The following TMCC1 variants were observed in gnomAD, a reference collection of about 807,000 sequenced individuals.
TMCC1 encodes transmembrane and coiled-coil domains protein 1.
Under a neutral mutation model 52.4 loss-of-function variants are expected in TMCC1, and 15 were observed. That is an observed-to-expected ratio of 0.29 (90% CI 0.19 to 0.44). The LOEUF is 0.44. Among genes scored for constraint, TMCC1 ranks in the 20% least tolerant of loss-of-function variants. The pLI, the probability that TMCC1 is intolerant of heterozygous loss-of-function variation, is 1.00. For missense variants in TMCC1, 503 were observed against 806.0 expected, an observed-to-expected ratio of 0.62 and a Z score of 4.55; for synonymous variants, 279 against 301.9, an observed-to-expected ratio of 0.92 and a Z score of 0.79.
At chr3:129,875,767 C>G (rs1204967514) in intron 2 of TMCC1, among the ~76,000 whole-genome samples, 1 of 152,152 alleles carries the variant, frequency 6.6e-6, no homozygotes, top group African/African-American at 2.4e-5. Flanking sequence ...TCTAACCACA[C>G]CCACCCACTT....
intron 4 of TMCC1, among the ~76,000 whole-genome samples, chr3:129,768,434 C>G (rs1215108688): frequency 6.6e-6 from 1 of 152,078 alleles, no homozygotes; most frequent in African/African-American, 2.4e-5. Flanking sequence ...GTGAGAAGTA[C>G]CTAGTGAGAA....
intron 4 of TMCC1, among the ~76,000 whole-genome samples, chr3:129,699,908 C>G (rs548636928): frequency 1.3e-5 from 2 of 152,220 alleles, no homozygotes; most frequent in South Asian, 2.1e-4. Context: ...AGAGTGAAAT[C>G]CTGTCCCTAA....
At position 129,649,677 on chromosome 3, in the gene TMCC1, C is replaced by T. The variant is rs1326436690; in HGVS notation, c.*1804G>A. 1.3e-5 allele frequency: 2 copies of T among 152,582 alleles called. No individual in the cohort carries two copies. Among genetic ancestry groups the T allele is most frequent in the African/African-American group, 2.4e-5 (1 of 41,444 alleles). The allele number at this position is 152,582 out of a possible 1,614,324, so 9.5% of individuals were successfully genotyped here. A position where few individuals can be genotyped will look rare whatever the true frequency, so the allele number is the denominator to read the frequency against. ...CAGGCAGGGCAATGCTAATCTAGTT[C>T]TGAAGGAATTTCCTGGTAAGTGGAA... On this transcript the variant is annotated 3_prime_UTR_variant, in exon 7 of 7. Transcript: ENST00000393238.
rs115364557 is a variant in TMCC1 at position 129,777,830 on chromosome 3, C to T, written c.576+49973G>A. Among the ~76,000 whole-genome samples the T allele has an allele frequency of 1.3e-3, 199 of 152,218 alleles. 1 individual carries two copies. Among genetic ancestry groups the T allele is most frequent in the African/African-American group, 4.5e-3 (187 of 41,524 alleles). On this transcript the variant is annotated intron_variant, in intron 4 of 6. Transcript: ENST00000393238. ...TCCTCAGAAATATTAAACAAACAAACGAAAAATGCCAGAATATTTCTCACT... is the reference window on the plus strand; with the variant it reads ...TCCTCAGAAATATTAAACAAACAAATGAAAAATGCCAGAATATTTCTCACT...
intron 4 of TMCC1, among the ~76,000 whole-genome samples, chr3:129,750,355 T>G (rs777533937): frequency 6.6e-6 from 1 of 151,976 alleles, no homozygotes; most frequent in Non-Finnish European, 1.5e-5. Flanking sequence ...CACGCCTGGC[T>G]AATTTTTTCT....
chr3:129,676,543 A>C (rs530055610), intron 4 of TMCC1, among the ~76,000 whole-genome samples: 1 of 152,340 alleles, frequency 6.6e-6, no homozygotes, highest in East Asian at 1.9e-4. Context: ...ACCTCAACAT[A>C]ATCAGGGCAG....
At chr3:129,738,822 T>TC (rs2051207449) in intron 4 of TMCC1, among the ~76,000 whole-genome samples, 1 of 152,188 alleles carries the variant, frequency 6.6e-6, no homozygotes, top group Non-Finnish European at 1.5e-5. Flanking sequence ...TAAAATCTTT[T>TC]TTTTGTTTTT....
intron 4 of TMCC1, among the ~76,000 whole-genome samples, chr3:129,692,121 T>C (rs537696738): frequency 1.2e-4 from 18 of 152,300 alleles, no homozygotes; most frequent in African/African-American, 4.3e-4. Context: ...CTATATACAG[T>C]TTATTTCACT....
chr3:129,732,214 G>A (rs1162371985), intron 4 of TMCC1, among the ~76,000 whole-genome samples: 1 of 152,072 alleles, frequency 6.6e-6, no homozygotes, highest in Non-Finnish European at 1.5e-5. Flanking sequence ...TTTCCAATTT[G>A]TATGTCTTTT....
At chr3:129,725,515 A>G (rs1037645844) in intron 4 of TMCC1, among the ~76,000 whole-genome samples, 1 of 152,178 alleles carries the variant, frequency 6.6e-6, no homozygotes, top group African/African-American at 2.4e-5. Flanking sequence ...AAAGAAATAG[A>G]AAAAAGTCAT....
intron 1 of TMCC1, among the ~76,000 whole-genome samples, chr3:129,889,796 A>T (rs2108017948): frequency 6.6e-6 from 1 of 152,190 alleles, no homozygotes; most frequent in South Asian, 2.1e-4. Context: ...AGAAAAAATT[A>T]AATTGAAGAG....
intron 4 of TMCC1, among the ~76,000 whole-genome samples, chr3:129,696,671 G>A (rs2047436429): frequency 6.6e-6 from 1 of 152,176 alleles, no homozygotes; most frequent in Admixed American, 6.5e-5. Flanking sequence ...TTCCGCCTAT[G>A]AGCCTGTAAA....
At chr3:129,672,413 C>T (rs2088029212) in intron 4 of TMCC1, among the ~76,000 whole-genome samples, 1 of 151,832 alleles carries the variant, frequency 6.6e-6, no homozygotes, top group African/African-American at 2.4e-5. Context: ...CCCTGGGCAA[C>T]ATAGTGAGAC....
At chr3:129,792,999 C>T (rs917164212) in intron 4 of TMCC1, among the ~76,000 whole-genome samples, 12 of 152,162 alleles carry the variant, frequency 7.9e-5, no homozygotes, top group Admixed American at 7.2e-4. Flanking sequence ...AAATTATCAC[C>T]TGGCTCTCAA....
At chr3:129,849,925 A>AT (rs2059841498) in intron 2 of TMCC1, among the ~76,000 whole-genome samples, 1 of 151,370 alleles carries the variant, frequency 6.6e-6, no homozygotes, top group Non-Finnish European at 1.5e-5. Context: ...TTTGTGCATA[A>AT]TTTTTTAAAA....
chr3:129,648,529 CA>C lies in TMCC1; in HGVS notation c.*2951del, dbSNP rs1553799593. 1 of 152,164 alleles carries C rather than the reference CA, an allele frequency of 6.6e-6. No homozygotes were observed. Among genetic ancestry groups the C allele is most frequent in the Non-Finnish European group, 1.5e-5 (1 of 68,044 alleles). 9.4% of individuals were successfully genotyped at this position (152,164 alleles called of 1,614,324 possible). A position where few individuals can be genotyped will look rare whatever the true frequency, so the allele number is the denominator to read the frequency against. On this transcript the variant is annotated 3_prime_UTR_variant, in exon 7 of 7. Coordinates refer to ENST00000393238, the MANE Select transcript of TMCC1 (RefSeq NM_001017395.5). Reference sequence around the variant, plus strand: ...ACCAAGGAATGGAAATTGGAGCAGACAGAAGTACCCTTCAATTATCATAAAC... The same window carrying C: ...ACCAAGGAATGGAAATTGGAGCAGACGAAGTACCCTTCAATTATCATAAAC...
In TMCC1 at chr3:129,670,722, G is replaced by C. The variant is rs115654568; in HGVS notation, c.1119C>G (p.Ala373=). The change falls in exon 5 of 7, where the codon GCC becomes GCG. Residue 373 remains alanine, a synonymous_variant. Transcript: ENST00000393238. ...TGCCAAATTTGTTCCGAATGAGTGA[G>C]GCAATCTCTCTGGGCTTTGAGACTA... ...GAVVSKPREI[A]SLIRNKFGSA... 1 of 1,614,206 alleles carries C rather than the reference G, an allele frequency of 6.2e-7. No homozygotes were observed. The highest frequency in any genetic ancestry group is 1.3e-5 in the African/African-American group (1 of 75,042).
chr3:129,656,453 C>CTCCTTTCT (rs2086674078), intron 5 of TMCC1, among the ~76,000 whole-genome samples: 1 of 152,182 alleles, frequency 6.6e-6, no homozygotes, highest in Non-Finnish European at 1.5e-5. Flanking sequence ...CTAAAACTAT[C>CTCCTTTCT]TCCTTTCTTT....
At chr3:129,884,511 T>C (rs1480540138) in intron 1 of TMCC1, among the ~76,000 whole-genome samples, 3 of 152,058 alleles carry the variant, frequency 2.0e-5, no homozygotes, top group Non-Finnish European at 2.9e-5. Context: ...AACATGCTTG[T>C]CTTCCACAAA....
Sources: allele counts gnomAD v4.1 joint callset (sites outside exome capture counted in the v4.1 genomes callset), GRCh38; gene constraint gnomAD v4.1.1; transcripts MANE v1.5; gene names NCBI Gene and HGNC (gene_info 2026-07-23, HGNC 2026-07-21).